The following RYR3 variants were observed in gnomAD, a reference collection of about 807,000 sequenced individuals.
RYR3 encodes the protein brain ryanodine receptor-calcium release channel.
A neutral mutation model predicts 584.3 loss-of-function variants in RYR3; 207 were observed. The observed-to-expected ratio is 0.35, with a 90% CI of 0.32 to 0.40. RYR3 has a LOEUF of 0.40. RYR3 is among the 10% of genes least tolerant of loss of function. The pLI is 1.00. For missense variants in RYR3, 5,616 were observed against 6,089.2 expected, an observed-to-expected ratio of 0.92 and a Z score of 2.59; for synonymous variants, 2,416 against 2,248.5, an observed-to-expected ratio of 1.07 and a Z score of -2.11.
chr15:33,663,872 C>CA, intron 36 of RYR3, 135 bp downstream of exon 36: 1 of 701,968 alleles, frequency 1.4e-6, no homozygotes, highest in Non-Finnish European at 2.4e-6. Context: ...ACTGCAATAC[C>CA]AGGAGACAGG....
In RYR3 at chr15:33,578,787, A is replaced by AC. The variant is rs879506892; in HGVS notation, c.1269-1189_1269-1188insC. ...GAATAAAAAAAAAAAAACAACAACA[A>AC]AAAAAAACTCCTCGTGATGTTACTT... On this transcript the variant is annotated intron_variant, in intron 12 of 103. Coordinates refer to ENST00000634891, the MANE Select transcript of RYR3 (RefSeq NM_001036.6). Among the ~76,000 whole-genome samples the AC allele has an allele frequency of 4.3e-3, 619 of 143,986 alleles. 4 individuals are homozygous for AC. The highest frequency in any genetic ancestry group is 0.012 in the African/African-American group (486 of 39,630). The allele number at this position is 143,986 out of a possible 152,430, so 94.5% of individuals were successfully genotyped here.
At chr15:33,371,647 AGCAG>A (rs2040340686) in intron 1 of RYR3, among the ~76,000 whole-genome samples, 1 of 152,254 alleles carries the variant, frequency 6.6e-6, no homozygotes, top group South Asian at 2.1e-4. Context: ...CAGACAAGAC[AGCAG>A]AGAAAAGTTG....
chr15:33,360,089 A>T (rs1974549526), intron 1 of RYR3, among the ~76,000 whole-genome samples: 1 of 152,094 alleles, frequency 6.6e-6, no homozygotes. Context: ...TGTTTTGTTC[A>T]TATCATATTC....
intron 53 of RYR3, among the ~76,000 whole-genome samples, chr15:33,747,258 C>G (rs1567082479): frequency 6.6e-6 from 1 of 152,110 alleles, no homozygotes; most frequent in Non-Finnish European, 1.5e-5. Flanking sequence ...ATCTTGCAAT[C>G]TGTAAGATTC....
At chr15:33,468,886 C>T (rs2048695424) in intron 1 of RYR3, among the ~76,000 whole-genome samples, 1 of 152,194 alleles carries the variant, frequency 6.6e-6, no homozygotes, top group Non-Finnish European at 1.5e-5. Context: ...ATACCAGGCT[C>T]TGCCCCCTGC....
chr15:33,393,396 G>A (rs2042118617), intron 1 of RYR3, among the ~76,000 whole-genome samples: 1 of 152,144 alleles, frequency 6.6e-6, no homozygotes, highest in African/African-American at 2.4e-5. Flanking sequence ...AAGGTTGTTG[G>A]AAAGACCACA....
chr15:33,350,647 C>T (rs1367340000), intron 1 of RYR3, among the ~76,000 whole-genome samples: 1 of 151,932 alleles, frequency 6.6e-6, no homozygotes, highest in East Asian at 1.9e-4. Context: ...GAACAACCTG[C>T]TCCTGAATGA....
chr15:33,375,001 C>T (rs1485239974), intron 1 of RYR3, among the ~76,000 whole-genome samples: 1 of 152,130 alleles, frequency 6.6e-6, no homozygotes, highest in Non-Finnish European at 1.5e-5. Flanking sequence ...TTTTTAAATT[C>T]AAGCAAGCGA....
At chr15:33,786,259 A>G (rs1325768231) in intron 66 of RYR3, among the ~76,000 whole-genome samples, 1 of 152,176 alleles carries the variant, frequency 6.6e-6, no homozygotes, top group African/African-American at 2.4e-5. Flanking sequence ...TCCAATGAGC[A>G]TTGCTTTATT....
chr15:33,649,091 G>A lies in RYR3; in HGVS notation c.3998G>A (p.Arg1333His), dbSNP rs747380910. The A allele has an allele frequency of 9.9e-6, 16 of 1,613,214 alleles. No homozygotes were observed. The highest frequency in any genetic ancestry group is 1.3e-5 in the African/African-American group (1 of 74,896). ...CCACAGCAGTGCTACTACGCCATCC[G>A]CATCTTTGCTGGACAGGATCCATCC... is the stretch of plus-strand genomic sequence containing the variant. ...HTTTQCYYAIRIFAGQDPSCV... is the reference protein window; with the variant it reads ...HTTTQCYYAIHIFAGQDPSCV... The change falls in exon 31 of 104, where the codon CGC becomes CAC. Residue 1333 changes from arginine (R) to histidine (H), a missense_variant. Around this residue, in one of 9 missense-constraint regions of RYR3, gnomAD observed 753 missense variants for 741.0 expected, o/e 1.02. Transcript: ENST00000634891.
chr15:33,403,098 A>G (rs2042790640), intron 1 of RYR3, among the ~76,000 whole-genome samples: 2 of 152,368 alleles, frequency 1.3e-5, no homozygotes, highest in South Asian at 4.1e-4. Context: ...ATGAATGGTC[A>G]AGAGAGCTGC....
rs1354008615 is a variant in RYR3, at chr15:33,316,576, C to T, written c.51+5480C>T. 2.6e-5 allele frequency among the ~76,000 whole-genome samples: 4 copies of T among 152,052 alleles called. No homozygotes were observed. In the South Asian group the frequency reaches 6.2e-4, roughly 24 times the overall value. Reference sequence around the variant, plus strand: ...AAAAATGAGCTTAGAGGCAAGAATTCCTATTTTTAGGTCTAGATCACTATC... The same window carrying T: ...AAAAATGAGCTTAGAGGCAAGAATTTCTATTTTTAGGTCTAGATCACTATC... On this transcript the variant is annotated intron_variant, in intron 1 of 103. Transcript: ENST00000634891.
In RYR3 at chr15:33,814,900, C is replaced by CAAAA. The variant is rs66623531; in HGVS notation, c.10502+1338_10502+1341dup. 1.0e-3 allele frequency among the ~76,000 whole-genome samples: 92 copies of CAAAA among 91,772 alleles called. 2 individuals carry two copies. The highest frequency in any genetic ancestry group is 0.014 in the Middle Eastern group (2 of 148). 60.2% of individuals were successfully genotyped at this position (91,772 alleles called of 152,430 possible). A position where few individuals can be genotyped will look rare whatever the true frequency, so the allele number is the denominator to read the frequency against. ...TGGGCAACAGAACAAGACTCTGTCT[C>CAAAA]AAAAAAAAAAAAAAAAAAAATCAGC... On this transcript the variant is annotated intron_variant, in intron 74 of 103. Transcript: ENST00000634891.
intron 1 of RYR3, among the ~76,000 whole-genome samples, chr15:33,464,649 C>T (rs2048347254): frequency 1.3e-5 from 2 of 150,702 alleles, no homozygotes; most frequent in African/African-American, 4.9e-5. Context: ...TTTAAGGTAT[C>T]AACTTGATGT....
At chr15:33,312,866 G>GT (rs1487353070) in intron 1 of RYR3, among the ~76,000 whole-genome samples, 1 of 152,058 alleles carries the variant, frequency 6.6e-6, no homozygotes, top group East Asian at 1.9e-4. Flanking sequence ...AGTGTTTTTT[G>GT]TTTTTGTTTG....
chr15:33,834,088 C>T (rs2077866443), intron 86 of RYR3, among the ~76,000 whole-genome samples: 1 of 152,112 alleles, frequency 6.6e-6, no homozygotes, highest in Admixed American at 6.6e-5. Flanking sequence ...TTGAGACCAA[C>T]CTGGCCAATG....
intron 1 of RYR3, among the ~76,000 whole-genome samples, chr15:33,350,694 G>T (rs1973127618): frequency 6.7e-6 from 1 of 150,210 alleles, no homozygotes; most frequent in Admixed American, 6.7e-5. Context: ...CAGAAATAAA[G>T]ATGTTCTTTG....
intron 36 of RYR3, among the ~76,000 whole-genome samples, chr15:33,663,961 G>A (rs527250307): frequency 9.2e-5 from 14 of 152,238 alleles, no homozygotes; most frequent in Admixed American, 9.2e-4. Flanking sequence ...ACACGTGGCA[G>A]GGCTTCCTCC....
At chr15:33,563,296 G>A (rs1488250616) in intron 11 of RYR3, among the ~76,000 whole-genome samples, 1 of 152,206 alleles carries the variant, frequency 6.6e-6, no homozygotes, top group Admixed American at 6.5e-5. Flanking sequence ...TTTTGGTGAT[G>A]TGCTGTCTTG....
Sources: gnomAD v4.1 joint callset for allele counts (sites outside exome capture counted in the v4.1 genomes callset) on GRCh38, gnomAD v4.1.1 for gene constraint, gnomAD v4.1.1 regional missense constraint, MANE v1.5 for transcripts, NCBI Gene and HGNC (gene_info 2026-07-23, HGNC 2026-07-21) for gene names.